Variants in ALPK1 observed in about 807,000 individuals in gnomAD.
The protein encoded by ALPK1 is alpha-protein kinase 1.
A neutral mutation model predicts 120.6 loss-of-function variants in ALPK1; 110 were observed. The observed-to-expected ratio is 0.91, with a 90% CI of 0.78 to 1.07. The LOEUF (loss-of-function observed/expected upper bound fraction) is 1.07, where lower values mean the gene tolerates loss of function less well. Ranked by LOEUF, ALPK1 falls within the 50% of genes least tolerant of loss-of-function variation. The pLI is 0.00. For missense variants in ALPK1, 1,498 were observed against 1,483.9 expected, an observed-to-expected ratio of 1.01 and a Z score of -0.16; for synonymous variants, 582 against 560.3, an observed-to-expected ratio of 1.04 and a Z score of -0.55.
chr4:112,430,279 C>T (rs1338324401), intron 10 of ALPK1, among the ~76,000 whole-genome samples, 169 bp from the exon 11 acceptor site: 1 of 152,162 alleles, frequency 6.6e-6, no homozygotes, highest in Non-Finnish European at 1.5e-5. Context: ...AAAAAGGCCT[C>T]GGGTCCTTAA....
chr4:112,427,778 C>T (rs779158312), intron 9 of ALPK1, 113 bp downstream of exon 9: 161 of 734,748 alleles, frequency 2.2e-4, no homozygotes, highest in Admixed American at 3.8e-4. Flanking sequence ...CTCAGTGCTG[C>T]GCCTCCTAGA....
At chr4:112,350,588 A>G (rs898909740) in intron 2 of ALPK1, among the ~76,000 whole-genome samples, 2 of 152,200 alleles carry the variant, frequency 1.3e-5, no homozygotes, top group African/African-American at 4.8e-5. Context: ...CTCTTCCACC[A>G]AAATTACTCT....
At chr4:112,331,289 A>G (rs533063819) in intron 2 of ALPK1, among the ~76,000 whole-genome samples, 1 of 152,330 alleles carries the variant, frequency 6.6e-6, no homozygotes, top group African/African-American at 2.4e-5. Context: ...TGTCTTCTGC[A>G]GTGGGAGACC....
intron 2 of ALPK1, chr4:112,358,390 G>T (rs1032666035): frequency 9.8e-6 from 6 of 614,322 alleles, no homozygotes; most frequent in African/African-American, 9.2e-5. Flanking sequence ...CACCCAGTTT[G>T]CGTGAGGCAG....
At chr4:112,382,311 GC>G in intron 3 of ALPK1, 86 bp from the exon 4 acceptor site, 4 of 366,578 alleles carry the variant, frequency 1.1e-5, no homozygotes, top group South Asian at 1.3e-4. Context: ...TTTTTTTTTT[GC>G]CACTGAGGTG....
chr4:112,378,025 T>C, intron 3 of ALPK1, 127 bp downstream of exon 3: 1 of 1,128,100 alleles, frequency 8.9e-7, no homozygotes, highest in Non-Finnish European at 1.2e-6. Flanking sequence ...GAGAGATGAG[T>C]GGATTTCTAG....
chr4:112,305,163 T>G (rs1444247970), intron 1 of ALPK1, among the ~76,000 whole-genome samples: 1 of 152,102 alleles, frequency 6.6e-6, no homozygotes, highest in Non-Finnish European at 1.5e-5. Flanking sequence ...CCTTGTAGTA[T>G]AGTTTGAAGT....
chr4:112,408,811 G>A (rs961697741), intron 4 of ALPK1, among the ~76,000 whole-genome samples: 1 of 152,064 alleles, frequency 6.6e-6, no homozygotes, highest in African/African-American at 2.4e-5. Flanking sequence ...GCATTTTTCC[G>A]ATTGATGGTT....
intron 4 of ALPK1, among the ~76,000 whole-genome samples, chr4:112,395,975 T>A (rs6824978): frequency 0.43 from 65,770 of 152,030 alleles, 14,800 homozygotes; most frequent in African/African-American, 0.58. Context: ...GGATTTTTTT[T>A]AACAAAGGAT....
intron 1 of ALPK1, among the ~76,000 whole-genome samples, chr4:112,305,816 T>A (rs759592650): frequency 3.8e-4 from 58 of 152,108 alleles, no homozygotes; most frequent in Non-Finnish European, 7.1e-4. Flanking sequence ...AAGGCATCCC[T>A]GTCTTGTGCC....
intron 2 of ALPK1, among the ~76,000 whole-genome samples, chr4:112,353,917 C>T (rs1730481386): frequency 6.6e-6 from 1 of 151,874 alleles, no homozygotes; most frequent in Non-Finnish European, 1.5e-5. Context: ...TGCAGGGTTT[C>T]CCATTGTGGT....
At chr4:112,412,324 G>A (rs1441774587) in intron 5 of ALPK1, 2 of 561,630 alleles carry the variant, frequency 3.6e-6, no homozygotes, top group Non-Finnish European at 3.4e-6. Context: ...TTCAAACAGG[G>A]GTATCTGAAT....
intron 3 of ALPK1, among the ~76,000 whole-genome samples, chr4:112,379,109 A>C (rs573743212): frequency 6.6e-6 from 1 of 152,258 alleles, no homozygotes; most frequent in East Asian, 1.9e-4. Flanking sequence ...TTTCCACTGA[A>C]GTTTTTCTCT....
intron 4 of ALPK1, among the ~76,000 whole-genome samples, chr4:112,404,642 T>A (rs1422147383): frequency 1.3e-5 from 2 of 152,236 alleles, no homozygotes; most frequent in East Asian, 3.8e-4. Context: ...CTTCTTGAAC[T>A]GTAATCTGGG....
intron 5 of ALPK1, among the ~76,000 whole-genome samples, chr4:112,417,041 T>C (rs1733776486): frequency 6.6e-6 from 1 of 151,932 alleles, no homozygotes; most frequent in South Asian, 2.1e-4. Context: ...ATAATAAGAG[T>C]CCAGAAAGCA....
chr4:112,324,314 A>G (rs375483017), intron 2 of ALPK1, among the ~76,000 whole-genome samples: 19 of 147,528 alleles, frequency 1.3e-4, no homozygotes, highest in Admixed American at 3.4e-4. Flanking sequence ...GTGACAGAGC[A>G]AGACTCCATC....
intron 3 of ALPK1, among the ~76,000 whole-genome samples, chr4:112,381,332 G>T (rs1731896095): frequency 6.6e-6 from 1 of 152,190 alleles, no homozygotes; most frequent in Admixed American, 6.5e-5. Context: ...AGTCATTAAA[G>T]TAGAGATTTA....
At chr4:112,419,544 G>A (rs1247261479) in intron 5 of ALPK1, among the ~76,000 whole-genome samples, 1 of 152,012 alleles carries the variant, frequency 6.6e-6, no homozygotes, top group Non-Finnish European at 1.5e-5. Flanking sequence ...AGGATGAAAG[G>A]AAAGAGGTAG....
intron 2 of ALPK1, among the ~76,000 whole-genome samples, chr4:112,335,912 T>C (rs1392017219): frequency 6.6e-6 from 1 of 152,140 alleles, no homozygotes; most frequent in South Asian, 2.1e-4. Flanking sequence ...TGAATGGATA[T>C]GGGAAGTGCT....
Sources: gnomAD v4.1 joint callset for allele counts (sites outside exome capture counted in the v4.1 genomes callset) on GRCh38, gnomAD v4.1.1 for gene constraint, MANE v1.5 for transcripts, NCBI Gene and HGNC (gene_info 2026-07-23, HGNC 2026-07-21) for gene names.